GRIK3: variants seen among roughly 807,000 people sequenced by gnomAD.
The protein encoded by GRIK3 is glutamate ionotropic receptor kainate type subunit 3, also known as glutamate receptor ionotropic, kainate 3.
GRIK3 carries 29 observed loss-of-function variants against 102.5 expected under a neutral mutation model. The ratio of observed to expected loss-of-function variants is 0.28; its 90% CI spans 0.21 to 0.39. The LOEUF is 0.39. Ranked by LOEUF, GRIK3 falls within the 10% of genes least tolerant of loss-of-function variation. The pLI, the probability that GRIK3 is intolerant of heterozygous loss-of-function variation, is 1.00. For missense variants in GRIK3, 908 were observed against 1,252.4 expected (o/e 0.73, Z 4.15); for synonymous variants, 511 against 504.9 (o/e 1.01, Z -0.16).
chr1:36,860,561 C>A (rs1313895767), intron 5 of GRIK3, among the ~76,000 whole-genome samples: 1 of 152,248 alleles, frequency 6.6e-6, no homozygotes, highest in African/African-American at 2.4e-5. Flanking sequence ...CTCCTAGGAG[C>A]AGCTGAGCAG....
chr1:37,003,101 G>A (rs904010654), intron 1 of GRIK3, among the ~76,000 whole-genome samples: 1 of 133,140 alleles, frequency 7.5e-6, no homozygotes, highest in Admixed American at 7.9e-5. Flanking sequence ...TTTTCCCTTT[G>A]GCCACCAGGG....
intron 1 of GRIK3, among the ~76,000 whole-genome samples, chr1:37,027,153 T>C (rs2124086943): frequency 6.6e-6 from 1 of 152,076 alleles, no homozygotes; most frequent in African/African-American, 2.4e-5. Context: ...GAGAAGGACC[T>C]GGGCAGCTGA....
chr1:36,928,542 T>C (rs1260604411), intron 1 of GRIK3, among the ~76,000 whole-genome samples: 10 of 152,182 alleles, frequency 6.6e-5, no homozygotes, highest in Non-Finnish European at 1.3e-4. Flanking sequence ...AACGCAGTGT[T>C]TAGAACAGCA....
At chr1:36,851,161 C>T (rs1640580161) in intron 8 of GRIK3, among the ~76,000 whole-genome samples, 2 of 151,870 alleles carry the variant, frequency 1.3e-5, no homozygotes, top group African/African-American at 4.9e-5. Context: ...AGGGGGGCTA[C>T]TCAGGACACT....
intron 5 of GRIK3, among the ~76,000 whole-genome samples, chr1:36,864,841 A>AT (rs570003008): frequency 0.047 from 6,284 of 134,398 alleles, 133 homozygotes; most frequent in South Asian, 0.063. Context: ...GTCCAGCTCC[A>AT]TTTTTTTTTT....
Position 36,934,146 on chromosome 1 carries a change from G to T in GRIK3, c.116-43050C>A, listed in dbSNP as rs114394554. On this transcript the variant is annotated intron_variant, in intron 1 of 15. Transcript: ENST00000373091. ...TCTTCCCTGAGGTCCTGGTAGCATT[G>T]GATGGCACAGGGTGGTAAGGACACA... Among the ~76,000 whole-genome samples, 992 of 152,220 alleles carry T rather than the reference G, an allele frequency of 6.5e-3. 9 individuals are homozygous for T. The highest frequency in any genetic ancestry group is 0.023 in the African/African-American group (956 of 41,510).
At position 36,806,189 on chromosome 1, in the gene GRIK3, G is replaced by A. The variant is rs766834300; in HGVS notation, c.2229C>T (p.Ile743=). The change falls in exon 14 of 16, where the codon ATC becomes ATT. Residue 743 remains isoleucine, a synonymous_variant. Coordinates refer to ENST00000373091, the MANE Select transcript of GRIK3 (RefSeq NM_000831.4). The surrounding 1 kb of genome is among the most constrained non-coding windows in gnomAD (Gnocchi z 4.0). ...TGCAGTTCCTCTGCGTGACGTACTCGATGGTGGTGGACTCCATGAGCAGCG... is the reference window on the plus strand; with the variant it reads ...TGCAGTTCCTCTGCGTGACGTACTCAATGGTGGTGGACTCCATGAGCAGCG... The part of the protein sequence containing the change: ...DYALLMESTT[I]EYVTQRNCNL... 1 of 1,614,158 alleles carries A rather than the reference G, an allele frequency of 6.2e-7. No individual in the cohort carries two copies. The highest frequency in any genetic ancestry group is 1.1e-5 in the South Asian group (1 of 91,090).
At chr1:37,019,550 A>G (rs1009977350) in intron 1 of GRIK3, among the ~76,000 whole-genome samples, 1 of 152,072 alleles carries the variant, frequency 6.6e-6, no homozygotes, top group Non-Finnish European at 1.5e-5. Flanking sequence ...ACCTAATTGG[A>G]CCTACCATGA....
At chr1:36,833,786 G>T (rs1414787982) in intron 10 of GRIK3, among the ~76,000 whole-genome samples, 2 of 152,236 alleles carry the variant, frequency 1.3e-5, no homozygotes, top group Admixed American at 1.3e-4. Context: ...CATAACTGGG[G>T]TTGGGGGACA....
intron 11 of GRIK3, among the ~76,000 whole-genome samples, chr1:36,820,756 C>A (rs1642687328): frequency 6.6e-6 from 1 of 152,150 alleles, no homozygotes; most frequent in South Asian, 2.1e-4. Context: ...CCGGAGAGAA[C>A]AATGCGTTAT....
Position 37,010,004 on chromosome 1 carries a change from AG to A in GRIK3, c.115+23989del, listed in dbSNP as rs937270953. 3.3e-5 allele frequency among the ~76,000 whole-genome samples: 5 copies of A among 151,958 alleles called. No individual in the cohort carries two copies. The East Asian group carries it at 9.7e-4, about 29-fold the overall frequency. ...GGCACCAACACAGACACCTAGAAAG[AG>A]GGGGGAGCAGAGTCTTCAGAGAGGC... On this transcript the variant is annotated intron_variant, in intron 1 of 15. Transcript: ENST00000373091.
intron 1 of GRIK3, among the ~76,000 whole-genome samples, chr1:37,009,798 G>A (rs1642570270): frequency 6.6e-6 from 1 of 152,216 alleles, no homozygotes; most frequent in Admixed American, 6.5e-5. Flanking sequence ...GACTGAAGTA[G>A]GGACTTGGGC....
intron 2 of GRIK3, among the ~76,000 whole-genome samples, chr1:36,882,222 C>A (rs191788848): frequency 6.6e-6 from 1 of 152,136 alleles, no homozygotes. Flanking sequence ...TCGACAGTGC[C>A]GAATCATCAT....
chr1:36,909,294 C>CTTTTTTTTT (rs112156014), intron 1 of GRIK3, among the ~76,000 whole-genome samples: 1 of 139,672 alleles, frequency 7.2e-6, no homozygotes. Flanking sequence ...CAAATCAGGG[C>CTTTTTTTTT]TTTTTTTTTT....
intron 3 of GRIK3, among the ~76,000 whole-genome samples, chr1:36,875,546 C>T (rs1375294670): frequency 1.3e-5 from 2 of 152,252 alleles, no homozygotes; most frequent in African/African-American, 2.4e-5. Flanking sequence ...TGGAATTGTA[C>T]ATTGGGTTTG....
rs2124197917 is a variant in GRIK3 at position 36,825,650 on chromosome 1, A to C, written c.1707T>G (p.Val569=). 1 of 1,609,994 alleles carries C rather than the reference A, an allele frequency of 6.2e-7. No individual in the cohort carries two copies. The highest frequency in any genetic ancestry group is 8.5e-7 in the Non-Finnish European group (1 of 1,178,254). The change falls in exon 11 of 16, where the codon GTT becomes GTG. Residue 569 remains valine, a synonymous_variant. Coordinates refer to ENST00000373091, the MANE Select transcript of GRIK3 (RefSeq NM_000831.4). ...NPLSPDIWMY[V]LLAYLGVSCV... is the part of the protein sequence containing the mutation. ...AGCTGACCCCCAGGTAGGCGAGGAG[A>C]ACATACATCCAGATGTCTGGGGACA... is the stretch of plus-strand genomic sequence containing the variant.
intron 1 of GRIK3, among the ~76,000 whole-genome samples, chr1:37,016,681 G>A (rs1010640600): frequency 6.6e-6 from 1 of 152,092 alleles, no homozygotes; most frequent in Non-Finnish European, 1.5e-5. Context: ...CCTGGAACAG[G>A]AAATGACTAT....
chr1:36,991,559 G>A (rs115220536), intron 1 of GRIK3, among the ~76,000 whole-genome samples: 1,805 of 152,286 alleles, frequency 0.012, 34 homozygotes, highest in African/African-American at 0.039. Flanking sequence ...AATCAGGCTC[G>A]GGTGTGAAAA....
At chr1:36,875,593 C>G (rs1289430454) in intron 3 of GRIK3, among the ~76,000 whole-genome samples, 1 of 152,186 alleles carries the variant, frequency 6.6e-6, no homozygotes, top group Non-Finnish European at 1.5e-5. Flanking sequence ...GACAATGTGC[C>G]TCGGCTATCC....
Sources: allele counts gnomAD v4.1 joint callset (sites outside exome capture counted in the v4.1 genomes callset), GRCh38; gene constraint gnomAD v4.1.1; non-coding constraint Gnocchi (gnomAD v3.1); transcripts MANE v1.5; gene names NCBI Gene and HGNC (gene_info 2026-07-23, HGNC 2026-07-21).